SIGLECL1: variants seen among roughly 807,000 people sequenced by gnomAD.
SIGLECL1 encodes SIGLEC family-like protein 1.
In SIGLECL1, 16 loss-of-function variants were observed where a neutral mutation model predicts 19.1. The observed-to-expected ratio is 0.84, with a 90% CI of 0.57 to 1.27. The LOEUF is 1.27. SIGLECL1 is among the 50% of genes most tolerant of loss of function. The pLI is 0.00. For missense variants in SIGLECL1, 210 were observed against 239.4 expected, an observed-to-expected ratio of 0.88 and a Z score of 0.81; for synonymous variants, 89 against 90.4, an observed-to-expected ratio of 0.98 and a Z score of 0.09.
At chr19:51,262,233 C>T (rs368666090) in intron 1 of SIGLECL1, among the ~76,000 whole-genome samples, 2 of 152,264 alleles carry the variant, frequency 1.3e-5, no homozygotes, top group East Asian at 1.9e-4. Context: ...AAGATACTCT[C>T]CTATGTTGTA....
chr19:51,258,595 C>T (rs1200981441), intron 1 of SIGLECL1, among the ~76,000 whole-genome samples: 1 of 152,192 alleles, frequency 6.6e-6, no homozygotes, highest in Non-Finnish European at 1.5e-5. Flanking sequence ...CTGATGCTGG[C>T]CCAATCTTGG....
In SIGLECL1 at chr19:51,267,479, G is replaced by A; in HGVS notation, c.517G>A (p.Glu173Lys). 6.2e-7 allele frequency: 1 copy of A among 1,614,226 alleles called. No individual in the cohort carries two copies. Among genetic ancestry groups the A allele is most frequent in the Non-Finnish European group, 8.5e-7 (1 of 1,180,040 alleles). The change falls in exon 5 of 6, where the codon GAG becomes AAG. Residue 173 changes from glutamate (E) to lysine (K), a missense_variant. By Grantham distance (56) the Glu-to-Lys change is moderately conservative. Transcript: ENST00000601727. ...SQELEMSLKP[E>K]EPGKPVVATF... ...AGAACTTGAGATGTCTCTGAAGCCTGAGGAACCAGGAAAACCCGTAGTCGC... is the reference window on the plus strand; with the variant it reads ...AGAACTTGAGATGTCTCTGAAGCCTAAGGAACCAGGAAAACCCGTAGTCGC...
chr19:51,254,807 T>C (rs1982705139), intron 1 of SIGLECL1, among the ~76,000 whole-genome samples: 1 of 152,160 alleles, frequency 6.6e-6, no homozygotes, highest in Non-Finnish European at 1.5e-5. Context: ...ATATGAATTA[T>C]AGCTCAATAA....
At chr19:51,259,493 G>T (rs887604134) in intron 1 of SIGLECL1, among the ~76,000 whole-genome samples, 1 of 152,212 alleles carries the variant, frequency 6.6e-6, no homozygotes, top group Admixed American at 6.5e-5. Flanking sequence ...CATGTTAGAA[G>T]CTTAACGTTT....
chr19:51,265,994 T>A, intron 4 of SIGLECL1, 112 bp downstream of exon 4: 1 of 1,019,280 alleles, frequency 9.8e-7, no homozygotes, highest in Non-Finnish European at 1.5e-6. Context: ...GAGCTTAGGG[T>A]CTAAAGAGGG....
At chr19:51,252,128 C>G (rs1168004707) in intron 1 of SIGLECL1, among the ~76,000 whole-genome samples, 2 of 151,986 alleles carry the variant, frequency 1.3e-5, no homozygotes, top group African/African-American at 4.8e-5. Context: ...GAAACCCCGT[C>G]TCTTCCAAAA....
In SIGLECL1 at chr19:51,265,568, G is replaced by A; in HGVS notation, c.223G>A (p.Glu75Lys). 1.2e-6 allele frequency: 2 copies of A among 1,614,198 alleles called. No homozygotes were observed. The change falls in exon 3 of 6, where the codon GAG becomes AAG. Residue 75 changes from glutamate (E) to lysine (K), a missense_variant. Transcript: ENST00000601727. ...TAACAGCACCATCAGCCTAACTGAAGAGCCAGAAATGGGCATGAGACTTCT... is the reference window on the plus strand; with the variant it reads ...TAACAGCACCATCAGCCTAACTGAAAAGCCAGAAATGGGCATGAGACTTCT... ...WANSTISLTEEPEMGMRLLCE... is the reference protein window; with the variant it reads ...WANSTISLTEKPEMGMRLLCE...
At chr19:51,257,981 C>T (rs1458816282) in intron 1 of SIGLECL1, 1 of 152,214 alleles carries the variant, frequency 6.6e-6, no homozygotes, top group East Asian at 1.9e-4. Context: ...TCCATGACTC[C>T]ACAGGGAGAG....
At chr19:51,262,709 A>G (rs900220876) in intron 1 of SIGLECL1, among the ~76,000 whole-genome samples, 1 of 152,140 alleles carries the variant, frequency 6.6e-6, no homozygotes, top group African/African-American at 2.4e-5. Flanking sequence ...CTGTCCAGTT[A>G]TTCTGACACA....
At chr19:51,250,250 C>T (rs1982409655), upstream of SIGLECL1, among the ~76,000 whole-genome samples, 2 of 152,106 alleles carry the variant, frequency 1.3e-5, no homozygotes, top group Admixed American at 1.3e-4. Context: ...CCACGCCCAG[C>T]TAATTTTTGT....
chr19:51,248,518 C>T (rs1475837825), upstream of SIGLECL1, among the ~76,000 whole-genome samples: 6 of 152,180 alleles, frequency 3.9e-5, no homozygotes, highest in African/African-American at 1.2e-4. Context: ...CATGTGCCAG[C>T]GGAACCCCAT....
At position 51,268,707 on chromosome 19, in the gene SIGLECL1, C is replaced by A. The variant is rs1204616247; in HGVS notation, c.*110C>A. The A allele has an allele frequency of 9.7e-6, 10 of 1,031,176 alleles. No homozygotes were observed. The South Asian group carries it at 1.1e-4, about 11-fold the overall frequency. 63.9% of individuals were successfully genotyped at this position (1,031,176 alleles called of 1,614,324 possible). A position where few individuals can be genotyped will look rare whatever the true frequency, so the allele number is the denominator to read the frequency against. On this transcript the variant is annotated 3_prime_UTR_variant, in exon 6 of 6. Transcript: ENST00000601727. The stretch of plus-strand genomic sequence containing the variant: ...CCTGGAGGCTGTAATAAACCTGGAG[C>A]CCCCTGGACTCTCCTCAGCTCACAA...
chr19:51,261,158 G>A (rs1983184641), intron 1 of SIGLECL1, among the ~76,000 whole-genome samples: 1 of 152,176 alleles, frequency 6.6e-6, no homozygotes, highest in Admixed American at 6.5e-5. Context: ...ATCATTAGGA[G>A]ATATGCCATT....
upstream of SIGLECL1, among the ~76,000 whole-genome samples, chr19:51,250,710 G>A (rs1008226564): frequency 3.3e-5 from 5 of 152,220 alleles, no homozygotes; most frequent in African/African-American, 1.2e-4. Flanking sequence ...GAAAGGCCTT[G>A]CTGGGAAGAA....
At chr19:51,247,267 C>T (rs368885146), upstream of SIGLECL1, among the ~76,000 whole-genome samples, 10 of 152,160 alleles carry the variant, frequency 6.6e-5, no homozygotes, top group African/African-American at 2.4e-4. Flanking sequence ...AAAAAGGACT[C>T]CAGATATTGT....
upstream of SIGLECL1, among the ~76,000 whole-genome samples, chr19:51,247,296 CA>C (rs1357589381): frequency 2.0e-5 from 3 of 152,104 alleles, no homozygotes; most frequent in East Asian, 5.8e-4. Flanking sequence ...TATCAGGGTG[CA>C]AAAAAGCACC....
intron 1 of SIGLECL1, chr19:51,257,588 C>CT (rs1394150034): frequency 6.6e-6 from 1 of 152,146 alleles, no homozygotes; most frequent in Non-Finnish European, 1.5e-5. Flanking sequence ...CCCTTGGCTT[C>CT]TGGAAGACAC....
intron 1 of SIGLECL1, among the ~76,000 whole-genome samples, chr19:51,261,327 C>T (rs563590457): frequency 3.3e-5 from 5 of 152,036 alleles, no homozygotes; most frequent in South Asian, 2.1e-4. Context: ...CTTGCTCTGT[C>T]GCCCAGGCTG....
Position 51,263,915 on chromosome 19 carries a change from A to C in SIGLECL1, c.-158A>C. The C allele has an allele frequency of 1.2e-6, 1 of 805,598 alleles. No individual in the cohort carries two copies. Among genetic ancestry groups the C allele is most frequent in the Non-Finnish European group, 2.0e-6 (1 of 511,888 alleles). The allele number at this position is 805,598 out of a possible 1,614,324, so 49.9% of individuals were successfully genotyped here. ...GGCCTTCACGATGACCAGAGACAGA[A>C]GCCCCTGACTTGGCTAAAGATACTT... On this transcript the variant is annotated 5_prime_UTR_variant, in exon 2 of 6. Coordinates refer to ENST00000601727, the MANE Select transcript of SIGLECL1 (RefSeq NM_001385465.1).
Sources: gnomAD v4.1 joint callset for allele counts (sites outside exome capture counted in the v4.1 genomes callset) on GRCh38, gnomAD v4.1.1 for gene constraint, MANE v1.5 for transcripts, NCBI Gene and HGNC (gene_info 2026-07-23, HGNC 2026-07-21) for gene names.